The following NRG1 variants were observed in gnomAD, a reference collection of about 807,000 sequenced individuals.
The protein encoded by NRG1 is pro-neuregulin-1, membrane-bound isoform.
Under a neutral mutation model 63.8 loss-of-function variants are expected in NRG1, and 18 were observed. The ratio of observed to expected loss-of-function variants is 0.28; its 90% CI spans 0.19 to 0.42. The LOEUF (loss-of-function observed/expected upper bound fraction) is 0.42, where lower values mean the gene tolerates loss of function less well. Ranked by LOEUF, NRG1 falls within the 10% of genes least tolerant of loss-of-function variation. The pLI is 1.00. For missense variants in NRG1, 762 were observed against 814.7 expected (o/e 0.94, Z 0.79); for synonymous variants, 302 against 301.3 (o/e 1.00, Z -0.02).
At chr8:32,049,439 T>C (rs1443604297) in intron 1 of NRG1, among the ~76,000 whole-genome samples, 1 of 152,174 alleles carries the variant, frequency 6.6e-6, no homozygotes, top group Non-Finnish European at 1.5e-5. Flanking sequence ...TTGTTTTATT[T>C]ATTTTTCATT....
chr8:32,534,755 C>A (rs1364804129), intron 1 of NRG1, among the ~76,000 whole-genome samples: 2 of 152,148 alleles, frequency 1.3e-5, no homozygotes, highest in African/African-American at 2.4e-5. Context: ...TGGTTCAGAT[C>A]TCAATTCCAA....
At chr8:32,057,420 C>G (rs1192821748) in intron 1 of NRG1, among the ~76,000 whole-genome samples, 6 of 152,086 alleles carry the variant, frequency 3.9e-5, no homozygotes, top group Non-Finnish European at 7.4e-5. Context: ...GTGCACATGG[C>G]CTGGAACGAT....
intron 1 of NRG1, among the ~76,000 whole-genome samples, chr8:32,426,914 T>G (rs1817450051): frequency 6.6e-6 from 1 of 152,218 alleles, no homozygotes; most frequent in African/African-American, 2.4e-5. Flanking sequence ...AAAGGTCATC[T>G]GTGTTTATAT....
intron 1 of NRG1, among the ~76,000 whole-genome samples, chr8:32,527,042 A>G (rs543448725): frequency 1.3e-5 from 2 of 152,256 alleles, no homozygotes; most frequent in African/African-American, 4.8e-5. Context: ...GATAGTACCC[A>G]ATTGGCATCT....
chr8:32,035,880 C>T (rs1021279720), intron 1 of NRG1, among the ~76,000 whole-genome samples: 6 of 152,182 alleles, frequency 3.9e-5, no homozygotes, highest in Non-Finnish European at 7.3e-5. Flanking sequence ...TGAATCTTGA[C>T]TCTTTATCCA....
At chr8:31,857,322 T>G (rs1279100435) in intron 1 of NRG1, among the ~76,000 whole-genome samples, 1 of 152,196 alleles carries the variant, frequency 6.6e-6, no homozygotes, top group Admixed American at 6.5e-5. Flanking sequence ...TGATGCGCTG[T>G]TTTTTAAGCC....
At chr8:31,658,924 G>A (rs936991588) in intron 1 of NRG1, among the ~76,000 whole-genome samples, 2 of 152,100 alleles carry the variant, frequency 1.3e-5, no homozygotes, top group African/African-American at 4.8e-5. Context: ...GGAACCCAGC[G>A]GTTCTCCTAA....
chr8:32,030,520 C>T (rs1341910807), intron 1 of NRG1: 1 of 152,110 alleles, frequency 6.6e-6, no homozygotes, highest in African/African-American at 2.4e-5. Context: ...CTTTCCTCAG[C>T]CTCTTTCATA....
chr8:31,727,290 A>G (rs1159134920), intron 1 of NRG1, among the ~76,000 whole-genome samples: 2 of 152,154 alleles, frequency 1.3e-5, no homozygotes, highest in African/African-American at 4.8e-5. Flanking sequence ...ACAAACAAAA[A>G]TGTTCTGTTC....
At chr8:32,467,436 C>T (rs1179123047) in intron 1 of NRG1, among the ~76,000 whole-genome samples, 1 of 152,178 alleles carries the variant, frequency 6.6e-6, no homozygotes, top group Non-Finnish European at 1.5e-5. Flanking sequence ...GTAGGCTTGT[C>T]ATCTCCTGAG....
intron 1 of NRG1, among the ~76,000 whole-genome samples, chr8:32,472,695 A>T (rs1051542776): frequency 2.0e-5 from 3 of 152,154 alleles, no homozygotes; most frequent in African/African-American, 7.2e-5. Context: ...TGTACTCTTC[A>T]GGGTCAACTG....
chr8:32,449,920 C>T (rs1165769194), intron 1 of NRG1, among the ~76,000 whole-genome samples: 3 of 152,054 alleles, frequency 2.0e-5, no homozygotes, highest in Non-Finnish European at 4.4e-5. Context: ...TGGCAGAGCA[C>T]AGGATATTTG....
At chr8:31,753,155 T>C (rs1017738989) in intron 1 of NRG1, among the ~76,000 whole-genome samples, 2 of 152,066 alleles carry the variant, frequency 1.3e-5, no homozygotes, top group Non-Finnish European at 2.9e-5. Context: ...CTCAGTATTA[T>C]TTTTTACATT....
intron 1 of NRG1, among the ~76,000 whole-genome samples, chr8:32,077,898 C>A (rs1161791122): frequency 6.6e-6 from 1 of 152,146 alleles, no homozygotes; most frequent in Non-Finnish European, 1.5e-5. Flanking sequence ...CTATTGGGGG[C>A]TGAATTCCCT....
intron 1 of NRG1, among the ~76,000 whole-genome samples, chr8:32,428,729 G>T (rs548524806): frequency 6.6e-6 from 1 of 152,272 alleles, no homozygotes; most frequent in South Asian, 2.1e-4. Context: ...CCCGGTTATT[G>T]CATCACTCCC....
chr8:31,759,100 G>A (rs916143061), intron 1 of NRG1, among the ~76,000 whole-genome samples: 2 of 151,998 alleles, frequency 1.3e-5, no homozygotes, highest in African/African-American at 4.8e-5. Flanking sequence ...AAGTGAATTT[G>A]TCTTCTTATA....
upstream of NRG1, among the ~76,000 whole-genome samples, chr8:32,543,695 C>T (rs1832788095): frequency 1.3e-5 from 2 of 152,072 alleles, no homozygotes. Context: ...TTTTAAAAGT[C>T]ACACAAGCAG....
intron 1 of NRG1, among the ~76,000 whole-genome samples, chr8:32,237,037 C>T (rs1847636225): frequency 6.6e-6 from 1 of 152,220 alleles, no homozygotes; most frequent in South Asian, 2.1e-4. Flanking sequence ...ACAAGCCACA[C>T]TATCCTTTCA....
chr8:32,632,697 G>A (rs1468787070), intron 5 of NRG1, among the ~76,000 whole-genome samples: 3 of 152,114 alleles, frequency 2.0e-5, no homozygotes, highest in African/African-American at 4.8e-5. Context: ...AGAATTAACT[G>A]AAAGAAGGGA....
Sources: gnomAD v4.1 joint callset for allele counts (sites outside exome capture counted in the v4.1 genomes callset) on GRCh38, gnomAD v4.1.1 for gene constraint, MANE v1.5 for transcripts, NCBI Gene and HGNC (gene_info 2026-07-23, HGNC 2026-07-21) for gene names.